Variants in PPM1L observed in about 807,000 individuals in gnomAD.
PPM1L encodes the protein protein phosphatase, Mg2+/Mn2+ dependent 1L, also known as protein phosphatase 1L.
PPM1L carries 13 observed loss-of-function variants against 31.4 expected under a neutral mutation model. The ratio of observed to expected loss-of-function variants is 0.41; its 90% confidence interval spans 0.27 to 0.66. PPM1L has a LOEUF of 0.66. PPM1L is among the 30% of genes least tolerant of loss of function. PPM1L has a pLI of 0.29. For synonymous variants in PPM1L, 184 were observed against 175.4 expected, an observed-to-expected ratio of 1.05 and a Z score of -0.39; for missense variants, 326 against 453.7, an observed-to-expected ratio of 0.72 and a Z score of 2.56.
At chr3:160,860,747 A>G (rs575834886) in intron 1 of PPM1L, among the ~76,000 whole-genome samples, 1 of 152,294 alleles carries the variant, frequency 6.6e-6, no homozygotes, top group South Asian at 2.1e-4. Context: ...GTCCAAGATC[A>G]AGGTGCTGGC....
chr3:161,041,110 AATCTTTT>A (rs1003073808), intron 2 of PPM1L, among the ~76,000 whole-genome samples: 25 of 152,286 alleles, frequency 1.6e-4, no homozygotes, highest in African/African-American at 6.0e-4. Context: ...TGGCCTCCAC[AATCTTTT>A]ATCTTAACCT....
At chr3:160,818,453 A>G (rs1356197933) in intron 1 of PPM1L, among the ~76,000 whole-genome samples, 1 of 152,098 alleles carries the variant, frequency 6.6e-6, no homozygotes, top group Non-Finnish European at 1.5e-5. Context: ...TTTTAAGCTC[A>G]CTGCCCTACA....
At chr3:161,058,801 C>T (rs1719494593) in intron 2 of PPM1L, among the ~76,000 whole-genome samples, 1 of 152,048 alleles carries the variant, frequency 6.6e-6, no homozygotes, top group East Asian at 1.9e-4. Context: ...ATGAATTTAA[C>T]TGAGAAAGTT....
At chr3:160,833,520 C>G (rs1489215440) in intron 1 of PPM1L, among the ~76,000 whole-genome samples, 1 of 152,104 alleles carries the variant, frequency 6.6e-6, no homozygotes, top group East Asian at 1.9e-4. Context: ...TTGCATTTCT[C>G]TAATGATCAG....
chr3:161,014,517 A>G (rs1718014183), intron 2 of PPM1L, among the ~76,000 whole-genome samples: 1 of 146,908 alleles, frequency 6.8e-6, no homozygotes, highest in South Asian at 2.1e-4. Context: ...CTCTGTCACC[A>G]AGGCTGGAGT....
chr3:161,045,837 C>T (rs144756931), intron 2 of PPM1L, among the ~76,000 whole-genome samples: 4,476 of 151,978 alleles, frequency 0.029, 111 homozygotes, highest in Non-Finnish European at 0.041. Flanking sequence ...GAGGGCCAGG[C>T]GTGGTGGCTC....
At chr3:161,037,153 A>T (rs1718763976) in intron 2 of PPM1L, among the ~76,000 whole-genome samples, 1 of 152,194 alleles carries the variant, frequency 6.6e-6, no homozygotes, top group South Asian at 2.1e-4. Context: ...GGAGGACTTT[A>T]TGATTCCTTT....
At chr3:160,949,253 A>G (rs763031559) in intron 1 of PPM1L, among the ~76,000 whole-genome samples, 3 of 152,176 alleles carry the variant, frequency 2.0e-5, no homozygotes, top group Non-Finnish European at 2.9e-5. Flanking sequence ...TATGAGCTTT[A>G]TACCTGGATT....
rs1719841033 is a variant in PPM1L at position 161,069,333 on chromosome 3, A to G, written c.*176A>G. On this transcript the variant is annotated 3_prime_UTR_variant, in exon 4 of 4. Coordinates refer to ENST00000498165, the MANE Select transcript of PPM1L (RefSeq NM_139245.4). ...GACGAACAGAGGGTGCCCTTGGCCAATGTAGTTAAGAAACTGGAAAATGGT... is the reference window on the plus strand; with the variant it reads ...GACGAACAGAGGGTGCCCTTGGCCAGTGTAGTTAAGAAACTGGAAAATGGT... 2 of 595,764 alleles carry G rather than the reference A, an allele frequency of 3.4e-6. No individual in the cohort carries two copies. The highest frequency in any genetic ancestry group is 2.9e-6 in the Non-Finnish European group (1 of 342,812). 36.9% of individuals were successfully genotyped at this position (595,764 alleles called of 1,614,324 possible).
intron 1 of PPM1L, among the ~76,000 whole-genome samples, chr3:160,852,914 C>T (rs1435960031): frequency 1.3e-5 from 2 of 152,162 alleles, no homozygotes; most frequent in African/African-American, 4.8e-5. Context: ...TATAAATTAT[C>T]GTAAACTTGG....
chr3:160,908,693 T>C (rs76069237), intron 1 of PPM1L, among the ~76,000 whole-genome samples: 11 of 152,258 alleles, frequency 7.2e-5, no homozygotes, highest in Non-Finnish European at 1.5e-4. Context: ...GAGTCCTTGC[T>C]CTAAAACAGT....
At chr3:160,825,398 C>A (rs1053343369) in intron 1 of PPM1L, among the ~76,000 whole-genome samples, 6 of 152,054 alleles carry the variant, frequency 3.9e-5, no homozygotes, top group Non-Finnish European at 8.8e-5. Context: ...AAAAAAGTGT[C>A]ATTTTCTTAT....
At chr3:160,888,969 A>T (rs115460836) in intron 1 of PPM1L, among the ~76,000 whole-genome samples, 3,587 of 152,320 alleles carry the variant, frequency 0.024, 77 homozygotes, top group Middle Eastern at 0.034. Context: ...ACAAAGAGAC[A>T]ATGTACCAAA....
chr3:161,012,452 T>A, intron 2 of PPM1L, among the ~76,000 whole-genome samples: 1 of 152,148 alleles, frequency 6.6e-6, no homozygotes, highest in Non-Finnish European at 1.5e-5. Context: ...GCATCAATGT[T>A]AATCAAGGAT....
intron 2 of PPM1L, among the ~76,000 whole-genome samples, chr3:160,986,477 T>A (rs1716969113): frequency 6.6e-6 from 1 of 152,170 alleles, no homozygotes; most frequent in African/African-American, 2.4e-5. Context: ...TTCTTTAGAA[T>A]GAGAAAAGAA....
At chr3:160,921,222 A>T (rs1336334386) in intron 1 of PPM1L, among the ~76,000 whole-genome samples, 1 of 152,296 alleles carries the variant, frequency 6.6e-6, no homozygotes, top group East Asian at 1.9e-4. Flanking sequence ...AAATCACTAG[A>T]TGACGCTTCG....
intron 1 of PPM1L, among the ~76,000 whole-genome samples, chr3:160,896,494 C>T (rs1188186185): frequency 6.6e-6 from 1 of 152,078 alleles, no homozygotes; most frequent in Non-Finnish European, 1.5e-5. Context: ...GAAGTTTATT[C>T]ACTTACTCAC....
chr3:161,022,657 C>CTT (rs71147399), intron 2 of PPM1L, among the ~76,000 whole-genome samples: 545 of 93,678 alleles, frequency 5.8e-3, no homozygotes, highest in Non-Finnish European at 8.3e-3. Context: ...ATTTCTCCTT[C>CTT]TTTTTTTTTT....
chr3:160,843,628 C>T (rs553779428), intron 1 of PPM1L, among the ~76,000 whole-genome samples: 88 of 151,584 alleles, frequency 5.8e-4, no homozygotes, highest in African/African-American at 2.1e-3. Flanking sequence ...CCCCCCACAC[C>T]ACAACAGGCC....
Sources: allele counts gnomAD v4.1 joint callset (sites outside exome capture counted in the v4.1 genomes callset), GRCh38; gene constraint gnomAD v4.1.1; transcripts MANE v1.5; gene names NCBI Gene and HGNC (gene_info 2026-07-23, HGNC 2026-07-21).